ETHE1: variants seen among roughly 807,000 people sequenced by gnomAD.
The protein encoded by ETHE1 is persulfide dioxygenase ETHE1, mitochondrial.
Under a neutral mutation model 25.7 loss-of-function variants are expected in ETHE1, and 16 were observed. The observed-to-expected ratio is 0.62, with a 90% confidence interval of 0.42 to 0.95. The LOEUF is 0.95. Among genes scored for constraint, ETHE1 ranks in the 40% least tolerant of loss-of-function variants. The probability of loss-of-function intolerance (pLI) is 0.00; values close to 1 mark genes in which losing one functional copy is unlikely to be tolerated. For synonymous variants in ETHE1, 139 were observed against 135.9 expected, an observed-to-expected ratio of 1.02 and a Z score of -0.16; for missense variants, 300 against 333.6, an observed-to-expected ratio of 0.90 and a Z score of 0.79.
Position 43,526,607 on chromosome 19 carries a change from G to A in ETHE1, c.134C>T (p.Ser45Phe). The change falls in exon 2 of 7, where the codon TCC becomes TTC. Residue 45 changes from serine to phenylalanine, a missense_variant. Ser to Phe is a radical substitution (Grantham distance 155). Transcript: ENST00000292147. Reference sequence around the variant, plus strand: ...TGGGTCGATCAGAACGGCCTCCCGGGACTCTCTGTCACCCAGCAGGTACGT... The same window carrying A: ...TGGGTCGATCAGAACGGCCTCCCGGAACTCTCTGTCACCCAGCAGGTACGT... ...TFTYLLGDRE[S>F]REAVLIDPVL... The A allele has an allele frequency of 1.2e-6, 2 of 1,614,128 alleles. No individual in the cohort carries two copies. The highest frequency in any genetic ancestry group is 1.7e-6 in the Non-Finnish European group (2 of 1,180,012).
Position 43,526,258 on chromosome 19 carries a change from A to C in ETHE1, c.318T>G (p.Ser106Arg). The C allele has an allele frequency of 6.2e-7, 1 of 1,614,182 alleles. No homozygotes were observed. The highest frequency in any genetic ancestry group is 8.5e-7 in the Non-Finnish European group (1 of 1,180,026). ...CAATGTGTAAGTCAGCCTGGGCCCC[A>C]CTAAGGCGGGAGATGACAGACTGGC... ...PGCQSVISRL[S>R]GAQADLHIED... is the part of the protein sequence containing the mutation. The change falls in exon 3 of 7, where the codon AGT (serine) becomes AGG (arginine). Residue 106 changes from serine to arginine, a missense_variant. Transcript: ENST00000292147.
chr19:43,507,708 C>A (rs2145976275), intron 6 of ETHE1: 1 of 556,396 alleles, frequency 1.8e-6, no homozygotes, highest in Non-Finnish European at 3.2e-6. Context: ...GAGTCCAGGC[C>A]CCCAGCCCCT....
chr19:43,526,632 T>TG lies in ETHE1; in HGVS notation c.108dup (p.Thr37HisfsTer6). ...GACTCTCTGTCACCCAGCAGGTACG[T>TG]GAAGGTGCAGCTCACAGGCTCGAAC... is the stretch of plus-strand genomic sequence containing the variant. On this transcript the variant is annotated frameshift_variant, in exon 2 of 7. Coordinates refer to ENST00000292147, the MANE Select transcript of ETHE1 (RefSeq NM_014297.5). LOFTEE classifies it high-confidence loss of function. 6.2e-7 allele frequency: 1 copy of TG among 1,613,934 alleles called. No homozygotes were observed. The highest frequency in any genetic ancestry group is 8.5e-7 in the Non-Finnish European group (1 of 1,179,982).
rs548649852 is a variant in ETHE1 at position 43,508,814 on chromosome 19, G to A, written c.556C>T (p.Pro186Ser). 6.2e-7 allele frequency: 1 copy of A among 1,608,868 alleles called. No homozygotes were observed. Among genetic ancestry groups the A allele is most frequent in the East Asian group, 2.2e-5 (1 of 44,816 alleles). The change falls in exon 5 of 7, where the codon CCA becomes TCA. Residue 186 changes from proline (P) to serine (S), a missense_variant. Transcript: ENST00000292147. Reference sequence around the variant, plus strand: ...GCAGGGTAGATCAGACAGTCTCCTGGAAGTGTGAAGATCTTTTCATGGACC... The same window carrying A: ...GCAGGGTAGATCAGACAGTCTCCTGAAAGTGTGAAGATCTTTTCATGGACC... ...HSVHEKIFTL[P>S]GDCLIYPAHD...
chr19:43,510,637 GTTT>G (rs55975705), intron 4 of ETHE1, among the ~76,000 whole-genome samples: 136 of 143,850 alleles, frequency 9.5e-4, no homozygotes, highest in Non-Finnish European at 8.2e-4. Flanking sequence ...CCAGCCCTTT[GTTT>G]TTTTTTTTTT....
chr19:43,515,201 G>A (rs1216020908), intron 3 of ETHE1, among the ~76,000 whole-genome samples: 1 of 152,070 alleles, frequency 6.6e-6, no homozygotes, highest in African/African-American at 2.4e-5. Flanking sequence ...CAAATCACCT[G>A]AGGTCAGGAG....
chr19:43,527,075 TC>T (rs1412931763), intron 1 of ETHE1, 21 bp downstream of exon 1: 2 of 1,548,466 alleles, frequency 1.3e-6, no homozygotes, highest in Non-Finnish European at 1.7e-6. Context: ...AGCAGTCCCC[TC>T]CTAGGTCCAG....
chr19:43,514,852 A>G (rs948851318), intron 3 of ETHE1, among the ~76,000 whole-genome samples: 9 of 152,184 alleles, frequency 5.9e-5, no homozygotes, highest in Non-Finnish European at 1.3e-4. Flanking sequence ...TGTGATACCT[A>G]AAGTGATAAA....
In ETHE1 at chr19:43,520,006, G is replaced by A. The variant is rs562481198; in HGVS notation, c.375+6195C>T. Among the ~76,000 whole-genome samples, 9 of 149,336 alleles carry A rather than the reference G, an allele frequency of 6.0e-5. No individual in the cohort carries two copies. In the South Asian group the frequency reaches 8.4e-4, roughly 14 times the overall value. On this transcript the variant is annotated intron_variant, in intron 3 of 6. Transcript: ENST00000292147. ...AGGCGGGAGGATCACCTTAGCCAGG[G>A]TTCAATACCAGCCTGGACAACATAG... is the stretch of plus-strand genomic sequence containing the variant.
chr19:43,508,799 T>A lies in ETHE1; in HGVS notation c.571A>T (p.Ile191Phe). The change falls in exon 5 of 7, where the codon ATC becomes TTC. Residue 191 changes from isoleucine to phenylalanine, a missense_variant. By Grantham distance (21) the Ile-to-Phe change is conservative. Transcript: ENST00000292147. The part of the protein sequence containing the change: ...KIFTLPGDCL[I>F]YPAHDYHGFT... ...CCATGGTAATCGTGAGCAGGGTAGA[T>A]CAGACAGTCTCCTGGAAGTGTGAAG... 6.2e-7 allele frequency: 1 copy of A among 1,607,726 alleles called. No homozygotes were observed. The highest frequency in any genetic ancestry group is 8.5e-7 in the Non-Finnish European group (1 of 1,177,492).
chr19:43,511,365 T>C, intron 4 of ETHE1, 72 bp downstream of exon 4: 1 of 1,607,850 alleles, frequency 6.2e-7, no homozygotes, highest in Non-Finnish European at 8.5e-7. Flanking sequence ...TTCATTCTTG[T>C]AACAGATACT....
At position 43,526,214 on chromosome 19, in the gene ETHE1, C is replaced by A. The variant is rs1194917182; in HGVS notation, c.362G>T (p.Arg121Leu). ...DLHIEDGDSI[R>L]FGRFALETRA... ...CACCCAACTCACGAAGCGCCCGAAGCGGATGGAGTCTCCATCCTCAATGTG... is the reference window on the plus strand; with the variant it reads ...CACCCAACTCACGAAGCGCCCGAAGAGGATGGAGTCTCCATCCTCAATGTG... Residue 121 changes from arginine to leucine, a missense_variant, in exon 3 of 7, where the codon CGC (arginine) becomes CTC (leucine). Coordinates refer to ENST00000292147, the MANE Select transcript of ETHE1 (RefSeq NM_014297.5). The A allele has an allele frequency of 1.9e-6, 3 of 1,614,040 alleles. No individual in the cohort carries two copies. Among genetic ancestry groups the A allele is most frequent in the African/African-American group, 1.3e-5 (1 of 74,910 alleles).
At chr19:43,511,665 A>G (rs1369227290) in intron 3 of ETHE1, 99 bp from the exon 4 acceptor site, 11 of 1,361,110 alleles carry the variant, frequency 8.1e-6, no homozygotes, top group Admixed American at 2.3e-5. Context: ...TATCTAGATA[A>G]ACATTTTGGT....
At chr19:43,510,851 T>A (rs1373558226) in intron 4 of ETHE1, among the ~76,000 whole-genome samples, 1 of 152,014 alleles carries the variant, frequency 6.6e-6, no homozygotes, top group Non-Finnish European at 1.5e-5. Flanking sequence ...GTGCAGAAGG[T>A]GGTGAGCGGT....
intron 1 of ETHE1, chr19:43,526,861 T>C (rs1972262373): frequency 2.0e-6 from 3 of 1,473,668 alleles, no homozygotes; most frequent in African/African-American, 1.4e-5. Context: ...CATCCCAAAA[T>C]CAGGGTCCCC....
At chr19:43,511,911 G>A (rs1971926252) in intron 3 of ETHE1, among the ~76,000 whole-genome samples, 1 of 152,132 alleles carries the variant, frequency 6.6e-6, no homozygotes, top group African/African-American at 2.4e-5. Flanking sequence ...GACCAGGCAG[G>A]AGGTAATTGA....
At position 43,506,825 on chromosome 19, in the gene ETHE1, A is replaced by G. The variant is rs1367018538; in HGVS notation, c.*25T>C. 3 of 1,608,130 alleles carry G rather than the reference A, an allele frequency of 1.9e-6. No homozygotes were observed. The highest frequency in any genetic ancestry group is 2.6e-6 in the Non-Finnish European group (3 of 1,175,376). On this transcript the variant is annotated 3_prime_UTR_variant, in exon 7 of 7. Coordinates refer to ENST00000292147, the MANE Select transcript of ETHE1 (RefSeq NM_014297.5). Reference sequence around the variant, plus strand: ...CTCCCACCTAGTGCATTAATAGTGGATGGGAGCATCTGACAGAAGTGAGAT... The same window carrying G: ...CTCCCACCTAGTGCATTAATAGTGGGTGGGAGCATCTGACAGAAGTGAGAT...
Position 43,508,048 on chromosome 19 carries a change from G to A in ETHE1, c.608C>T (p.Ser203Phe), listed in dbSNP as rs267605525. The A allele has an allele frequency of 2.4e-5, 39 of 1,613,860 alleles. No homozygotes were observed. Among genetic ancestry groups the A allele is most frequent in the Non-Finnish European group, 3.3e-5 (39 of 1,180,002 alleles). ...CAGAGTCCTCTCCTCCTCCACGGTG[G>A]ACACTGTGAACCCTAGGGGCCAAGG... ...PAHDYHGFTV[S>F]TVEEERTLNP... The change falls in exon 6 of 7, where the codon TCC becomes TTC. Residue 203 changes from serine (S) to phenylalanine (F), a missense_variant. By Grantham distance (155) the Ser-to-Phe change is radical. Coordinates refer to ENST00000292147, the MANE Select transcript of ETHE1 (RefSeq NM_014297.5).
intron 3 of ETHE1, among the ~76,000 whole-genome samples, chr19:43,513,871 G>A (rs1599994948): frequency 6.6e-6 from 1 of 152,076 alleles, no homozygotes; most frequent in East Asian, 1.9e-4. Context: ...ACAGGCATGT[G>A]CCACCATGCC....
Sources: allele counts gnomAD v4.1 joint callset (sites outside exome capture counted in the v4.1 genomes callset), GRCh38; gene constraint gnomAD v4.1.1; transcripts MANE v1.5; gene names NCBI Gene and HGNC (gene_info 2026-07-23, HGNC 2026-07-21).